HNRNPUL1: variants seen among roughly 807,000 people sequenced by gnomAD.
The protein encoded by HNRNPUL1 is heterogeneous nuclear ribonucleoprotein U like 1.
HNRNPUL1 carries 14 observed loss-of-function variants against 108.5 expected under a neutral mutation model. The observed-to-expected ratio is 0.13, with a 90% CI of 0.09 to 0.20. The LOEUF is 0.20. Among genes scored for constraint, HNRNPUL1 ranks in the 10% least tolerant of loss-of-function variants. The pLI, the probability that HNRNPUL1 is intolerant of heterozygous loss-of-function variation, is 1.00. For missense variants in HNRNPUL1, 804 were observed against 1,168.3 expected, an observed-to-expected ratio of 0.69 and a Z score of 4.55; for synonymous variants, 422 against 445.2, an observed-to-expected ratio of 0.95 and a Z score of 0.66.
chr19:41,263,666 A>G (rs2034628606), upstream of HNRNPUL1, among the ~76,000 whole-genome samples: 1 of 152,196 alleles, frequency 6.6e-6, no homozygotes, highest in Admixed American at 6.5e-5. Flanking sequence ...CTGTGTATCC[A>G]CTTAATCTCT....
At chr19:41,297,224 T>C (rs1177930040) in intron 10 of HNRNPUL1, among the ~76,000 whole-genome samples, 1 of 152,214 alleles carries the variant, frequency 6.6e-6, no homozygotes, top group African/African-American at 2.4e-5. Flanking sequence ...AGTGTACTGA[T>C]AGATCACAGC....
At chr19:41,288,644 G>A (rs763762305) in intron 7 of HNRNPUL1, among the ~76,000 whole-genome samples, 1 of 152,052 alleles carries the variant, frequency 6.6e-6, no homozygotes, top group Non-Finnish European at 1.5e-5. Context: ...TTAACCTAGC[G>A]CCTCCCTTTG....
chr19:41,266,676 T>C (rs1326022617), intron 1 of HNRNPUL1, among the ~76,000 whole-genome samples: 1 of 152,052 alleles, frequency 6.6e-6, no homozygotes, highest in African/African-American at 2.4e-5. Context: ...TAAGAGTTTG[T>C]GGAGTTTTTC....
chr19:41,270,480 A>T (rs1339325425), intron 2 of HNRNPUL1, among the ~76,000 whole-genome samples: 1 of 134,020 alleles, frequency 7.5e-6, no homozygotes, highest in Non-Finnish European at 1.5e-5. Context: ...TTTTTTTAAT[A>T]AAAAAATAGA....
rs538454242 is a variant in HNRNPUL1, at chr19:41,282,711, A to T, written c.999+1436A>T. Among the ~76,000 whole-genome samples the T allele has an allele frequency of 2.3e-3, 305 of 134,390 alleles. 4 individuals are homozygous for T. Among genetic ancestry groups the T allele is most frequent in the Admixed American group, 0.02 (258 of 12,884 alleles). The allele number at this position is 134,390 out of a possible 152,430, so 88.2% of individuals were successfully genotyped here. Reference sequence around the variant, plus strand: ...TTTTTTCTTTTTTTTTTTTTTTGAGACGGAGTCTCGCTCTGTCGCCCAGGC... The same window carrying T: ...TTTTTTCTTTTTTTTTTTTTTTGAGTCGGAGTCTCGCTCTGTCGCCCAGGC... On this transcript the variant is annotated intron_variant, in intron 7 of 14. Coordinates refer to ENST00000392006, the MANE Select transcript of HNRNPUL1 (RefSeq NM_007040.6).
At position 41,264,375 on chromosome 19, in the gene HNRNPUL1, T is replaced by C. The variant is rs559490446; in HGVS notation, c.-129T>C. On this transcript the variant is annotated 5_prime_UTR_variant, in exon 1 of 15. Transcript: ENST00000392006. ...GGGGGAGGCGGTGGCGGCGGCCATT[T>C]TGAGCCGCTGCCGCCATTGGAGTGG... is the stretch of plus-strand genomic sequence containing the variant. 6.3e-4 allele frequency: 485 copies of C among 773,834 alleles called. No individual in the cohort carries two copies. The highest frequency in any genetic ancestry group is 7.7e-4 in the Non-Finnish European group (433 of 559,556). 47.9% of individuals were successfully genotyped at this position (773,834 alleles called of 1,614,324 possible). A position where few individuals can be genotyped will look rare whatever the true frequency, so the allele number is the denominator to read the frequency against.
Position 41,304,103 on chromosome 19 carries a change from C to T in HNRNPUL1, c.2104C>T (p.Pro702Ser). ...PQQQPPPQQP[P>S]PPQPPPQQPP... ...GCAACAGCCGCCACCACAGCAGCCT[C>T]CGCCACCACAGCCACCACCCCAGCA... The change falls in exon 13 of 15, where the codon CCG (proline) becomes TCG (serine). Residue 702 changes from proline (P) to serine (S), a missense_variant. This residue lies in a region of HNRNPUL1 where 294 missense variants were observed against 388.3 expected (regional missense o/e 0.76). Transcript: ENST00000392006. The T allele has an allele frequency of 6.2e-7, 1 of 1,613,354 alleles. No homozygotes were observed. Among genetic ancestry groups the T allele is most frequent in the Non-Finnish European group, 8.5e-7 (1 of 1,179,362 alleles).
Position 41,292,372 on chromosome 19 carries a change from A to G in HNRNPUL1, c.1127A>G (p.Asn376Ser), listed in dbSNP as rs1192700328. ...QALYPHVLVKNCAVEFNFGQR... is the reference protein window; with the variant it reads ...QALYPHVLVKSCAVEFNFGQR... ...CTCTATCCTCATGTCCTGGTGAAGA[A>G]TTGCGCAGTGGAGTTCAACTTCGGA... is the stretch of plus-strand genomic sequence containing the variant. Residue 376 changes from asparagine to serine, a missense_variant, in exon 8 of 15, where the codon AAT becomes AGT. Asn to Ser is a conservative substitution (Grantham distance 46). This residue lies in a region of HNRNPUL1 where 174 missense variants were observed against 296.6 expected (regional missense o/e 0.59). Coordinates refer to ENST00000392006, the MANE Select transcript of HNRNPUL1 (RefSeq NM_007040.6). This position sits in a 1 kb window ranked among gnomAD's most constrained non-coding sequence, Gnocchi z 4.1. 1.2e-6 allele frequency: 2 copies of G among 1,614,198 alleles called. No homozygotes were observed. Among genetic ancestry groups the G allele is most frequent in the Non-Finnish European group, 1.7e-6 (2 of 1,180,032 alleles).
chr19:41,283,702 T>C (rs1158732287), intron 7 of HNRNPUL1, among the ~76,000 whole-genome samples: 1 of 152,076 alleles, frequency 6.6e-6, no homozygotes, highest in African/African-American at 2.4e-5. Flanking sequence ...GTGATCCACC[T>C]GCCTCGGCCT....
chr19:41,268,072 G>C lies in HNRNPUL1; in HGVS notation c.296-151G>C, dbSNP rs916888195. ...TGTCTTCAGCTGTATCCCAGGCTCT[G>C]GAGTATAGTATGCATGCCATGAATA... On this transcript the variant is annotated intron_variant, in intron 1 of 14. Transcript: ENST00000392006. 7.4e-6 allele frequency: 5 copies of C among 676,268 alleles called. No homozygotes were observed. In the Admixed American group the frequency reaches 1.4e-4, roughly 18 times the overall value. 41.9% of individuals were successfully genotyped at this position (676,268 alleles called of 1,614,324 possible). A position where few individuals can be genotyped will look rare whatever the true frequency, so the allele number is the denominator to read the frequency against.
At position 41,268,376 on chromosome 19, in the gene HNRNPUL1, G is replaced by T. The variant is rs1452634231; in HGVS notation, c.418+31G>T. The T allele has an allele frequency of 1.9e-6, 3 of 1,607,362 alleles. No individual in the cohort carries two copies. The East Asian group carries it at 6.7e-5, about 36-fold the overall frequency. On this transcript the variant is annotated intron_variant, in intron 2 of 14. Coordinates refer to ENST00000392006, the MANE Select transcript of HNRNPUL1 (RefSeq NM_007040.6). ...AAAATACACATGGTTCATCTCTTTGGATGGAAACAATCTACATGGAGCCTT... is the reference window on the plus strand; with the variant it reads ...AAAATACACATGGTTCATCTCTTTGTATGGAAACAATCTACATGGAGCCTT...
intron 10 of HNRNPUL1, among the ~76,000 whole-genome samples, chr19:41,297,864 C>T (rs1257259783): frequency 6.6e-6 from 1 of 152,198 alleles, no homozygotes; most frequent in African/African-American, 2.4e-5. Flanking sequence ...AATAGTCTCC[C>T]ACCGTAACCT....
At chr19:41,303,044 G>A in intron 12 of HNRNPUL1, 95 bp downstream of exon 12, 1 of 1,352,098 alleles carries the variant, frequency 7.4e-7, no homozygotes, top group Non-Finnish European at 1.0e-6. Flanking sequence ...AGTTTTCTGA[G>A]CTCCAGCTGT....
intron 1 of HNRNPUL1, chr19:41,265,364 GGT>G: frequency 6.6e-7 from 1 of 1,525,016 alleles, no homozygotes; most frequent in Non-Finnish European, 8.8e-7. Context: ...GGGTGGGAGA[GGT>G]GGAGGCGCTG....
chr19:41,289,148 T>G (rs1240622927), intron 7 of HNRNPUL1, among the ~76,000 whole-genome samples: 1 of 152,202 alleles, frequency 6.6e-6, no homozygotes, highest in Non-Finnish European at 1.5e-5. Context: ...AGTATGGAAC[T>G]CTAGGCCTTG....
At position 41,304,018 on chromosome 19, in the gene HNRNPUL1, TAAC is replaced by T. The variant is rs1440443515; in HGVS notation, c.2026_2028del (p.Asn676del). ...GTGGCTATAGCCAGAACCGCTGGGG[TAAC>T]AACAACCGGGATAACAACAACTCCA... is the stretch of plus-strand genomic sequence containing the variant. On this transcript the variant is annotated inframe_deletion, in exon 13 of 15. Transcript: ENST00000392006. 1 of 1,613,544 alleles carries T rather than the reference TAAC, an allele frequency of 6.2e-7. No individual in the cohort carries two copies. Among genetic ancestry groups the T allele is most frequent in the South Asian group, 1.1e-5 (1 of 91,042 alleles).
intron 6 of HNRNPUL1, among the ~76,000 whole-genome samples, chr19:41,279,929 AATGT>A (rs757790187): frequency 1.3e-5 from 2 of 152,226 alleles, no homozygotes; most frequent in Non-Finnish European, 2.9e-5. Flanking sequence ...GCCTTGTTTT[AATGT>A]ATGATGGGCA....
In HNRNPUL1 at chr19:41,277,096, C is replaced by CAA. The variant is rs569222478; in HGVS notation, c.786+809_786+810dup. On this transcript the variant is annotated intron_variant, in intron 5 of 14. Coordinates refer to ENST00000392006, the MANE Select transcript of HNRNPUL1 (RefSeq NM_007040.6). ...TGGGTGACAGAGTGAGACTCTGTCT[C>CAA]AAAAAAAAAAAACAAAAAAACAAAA... 1.0e-3 allele frequency among the ~76,000 whole-genome samples: 101 copies of CAA among 101,462 alleles called. 1 individual carries two copies. Among genetic ancestry groups the CAA allele is most frequent in the East Asian group, 5.1e-3 (16 of 3,140 alleles). 66.6% of individuals were successfully genotyped at this position (101,462 alleles called of 152,430 possible).
At chr19:41,302,514 C>T (rs1426741478) in intron 11 of HNRNPUL1, 151 bp from the exon 12 acceptor site, 7 of 1,025,162 alleles carry the variant, frequency 6.8e-6, no homozygotes, top group Admixed American at 1.9e-5. Flanking sequence ...CCACCGCGCC[C>T]GCCCTTCTGT....
Sources: allele counts gnomAD v4.1 joint callset (sites outside exome capture counted in the v4.1 genomes callset), GRCh38; gene constraint gnomAD v4.1.1; regional missense constraint gnomAD v4.1.1; non-coding constraint Gnocchi (gnomAD v3.1); transcripts MANE v1.5; gene names NCBI Gene and HGNC (gene_info 2026-07-23, HGNC 2026-07-21).